Variants in CADM2 observed in about 807,000 individuals in gnomAD.
CADM2 encodes immunoglobulin superfamily member 4D.
In CADM2, 12 loss-of-function variants were observed where a neutral mutation model predicts 49.8. That is an observed-to-expected ratio of 0.24 (90% CI 0.15 to 0.39). CADM2 has a LOEUF of 0.39. Ranked by LOEUF, CADM2 falls within the 10% of genes least tolerant of loss-of-function variation. CADM2 has a pLI of 1.00. For synonymous variants in CADM2, 214 were observed against 175.4 expected (o/e 1.22, Z -1.74); for missense variants, 378 against 492.3 (o/e 0.77, Z 2.20).
In CADM2 at chr3:85,536,202, A is replaced by G. The variant is rs565681165; in HGVS notation, c.62-190320A>G. Among the ~76,000 whole-genome samples, 5 of 152,158 alleles carry G rather than the reference A, an allele frequency of 3.3e-5. No individual in the cohort carries two copies. In the East Asian group the frequency reaches 7.7e-4, roughly 24 times the overall value. ...ACTATTAAAATATAAGAAAAGTTGAAGAGAAGATTAGAAAAATAAAAGATA... is the reference window on the plus strand; with the variant it reads ...ACTATTAAAATATAAGAAAAGTTGAGGAGAAGATTAGAAAAATAAAAGATA... On this transcript the variant is annotated intron_variant, in intron 1 of 9. Transcript: ENST00000383699.
At chr3:85,232,148 A>G (rs1285378187) in intron 1 of CADM2, among the ~76,000 whole-genome samples, 1 of 149,906 alleles carries the variant, frequency 6.7e-6, no homozygotes, top group African/African-American at 2.4e-5. Context: ...TATTATTATT[A>G]TTATTATTAT....
intron 1 of CADM2, among the ~76,000 whole-genome samples, chr3:85,606,596 G>A (rs1444759925): frequency 6.6e-6 from 1 of 152,084 alleles, no homozygotes; most frequent in Non-Finnish European, 1.5e-5. Context: ...TAAAAATATT[G>A]CGGAGTGCTA....
At chr3:85,869,432 T>C (rs181028895) in intron 3 of CADM2, among the ~76,000 whole-genome samples, 1 of 152,288 alleles carries the variant, frequency 6.6e-6, no homozygotes, top group East Asian at 1.9e-4. Context: ...AAATTCCCTT[T>C]TGTTTTACAA....
intron 1 of CADM2, among the ~76,000 whole-genome samples, chr3:85,141,789 C>T (rs989851742): frequency 2.6e-5 from 4 of 152,166 alleles, no homozygotes; most frequent in African/African-American, 9.7e-5. Context: ...CACGTTTTCA[C>T]ATCTCAGTAT....
intron 3 of CADM2, among the ~76,000 whole-genome samples, chr3:85,865,569 C>T (rs1267266900): frequency 6.6e-6 from 1 of 152,144 alleles, no homozygotes; most frequent in Non-Finnish European, 1.5e-5. Flanking sequence ...GTGCACTGCA[C>T]TGACATTTTC....
intron 3 of CADM2, among the ~76,000 whole-genome samples, chr3:85,868,070 T>G (rs905335174): frequency 6.6e-6 from 1 of 152,016 alleles, no homozygotes; most frequent in African/African-American, 2.4e-5. Context: ...TGTAACATTT[T>G]AAAAATAGAT....
chr3:86,069,494 T>A lies in CADM2; in HGVS notation c.*2711T>A. The A allele has an allele frequency of 6.6e-6, 1 of 152,168 alleles. No individual in the cohort carries two copies. The highest frequency in any genetic ancestry group is 1.9e-4 in the East Asian group (1 of 5,184). The allele number at this position is 152,168 out of a possible 1,614,324, so 9.4% of individuals were successfully genotyped here. A position where few individuals can be genotyped will look rare whatever the true frequency, so the allele number is the denominator to read the frequency against. On this transcript the variant is annotated 3_prime_UTR_variant, in exon 10 of 10. Coordinates refer to ENST00000383699, the MANE Select transcript of CADM2 (RefSeq NM_001167675.2). ...CATATTTTCATACCTTTAAAAATTA[T>A]TTAATTTTCAACCAAACAAAAAATA...
At chr3:85,082,851 G>T (rs1384993379) in intron 1 of CADM2, among the ~76,000 whole-genome samples, 1 of 152,078 alleles carries the variant, frequency 6.6e-6, no homozygotes, top group Non-Finnish European at 1.5e-5. Context: ...CAAACACAAA[G>T]CTTCTCCATC....
chr3:85,866,682 G>GA (rs141020393), intron 3 of CADM2, among the ~76,000 whole-genome samples: 1 of 151,558 alleles, frequency 6.6e-6, no homozygotes, highest in African/African-American at 2.4e-5. Context: ...TTATGTATTT[G>GA]AAAAAAATAT....
At chr3:84,990,215 A>C (rs1451768132) in intron 1 of CADM2, among the ~76,000 whole-genome samples, 1 of 151,586 alleles carries the variant, frequency 6.6e-6, no homozygotes, top group African/African-American at 2.4e-5. Context: ...CGTATTTACA[A>C]TATATTATAG....
intron 1 of CADM2, among the ~76,000 whole-genome samples, chr3:85,625,956 A>T (rs2064119829): frequency 6.6e-6 from 1 of 152,056 alleles, no homozygotes; most frequent in African/African-American, 2.4e-5. Flanking sequence ...TTGGAAAATC[A>T]TGTATAAAGC....
At chr3:85,972,134 C>T (rs546400147) in intron 8 of CADM2, among the ~76,000 whole-genome samples, 1 of 151,714 alleles carries the variant, frequency 6.6e-6, no homozygotes, top group African/African-American at 2.4e-5. Context: ...CTGTTATCCA[C>T]TTTTACACTG....
At position 85,759,391 on chromosome 3, in the gene CADM2, T is replaced by A. The variant is rs116524267; in HGVS notation, c.88+32843T>A. Among the ~76,000 whole-genome samples, 1,114 of 152,216 alleles carry A rather than the reference T, an allele frequency of 7.3e-3. 13 individuals carry two copies. Among genetic ancestry groups the A allele is most frequent in the African/African-American group, 0.025 (1,052 of 41,572 alleles). Reference sequence around the variant, plus strand: ...TACTATATAAGCATTTTACTTCTGATGAAATACAGTATAACGCAATGCAAC... The same window carrying A: ...TACTATATAAGCATTTTACTTCTGAAGAAATACAGTATAACGCAATGCAAC... On this transcript the variant is annotated intron_variant, in intron 2 of 9. Transcript: ENST00000383699.
At chr3:85,188,624 A>T (rs1337125500) in intron 1 of CADM2, among the ~76,000 whole-genome samples, 1 of 152,054 alleles carries the variant, frequency 6.6e-6, no homozygotes, top group Non-Finnish European at 1.5e-5. Context: ...TGTGGGTGTC[A>T]ATCAGTATAA....
intron 1 of CADM2, among the ~76,000 whole-genome samples, chr3:85,577,783 A>G (rs74598957): frequency 0.081 from 12,262 of 152,110 alleles, 955 homozygotes; most frequent in African/African-American, 0.18. Flanking sequence ...TTTAACAAGT[A>G]AAGTTTTTAA....
At chr3:85,818,660 T>G (rs2073369449) in intron 3 of CADM2, among the ~76,000 whole-genome samples, 1 of 152,150 alleles carries the variant, frequency 6.6e-6, no homozygotes, top group African/African-American at 2.4e-5. Context: ...ATCTTTTATC[T>G]TAGCACATTC....
At position 85,571,330 on chromosome 3, in the gene CADM2, AT is replaced by A. The variant is rs562158888; in HGVS notation, c.62-155189del. On this transcript the variant is annotated intron_variant, in intron 1 of 9. Transcript: ENST00000383699. Reference sequence around the variant, plus strand: ...CTCAAAATGGCTTTTTTTCCAGTTGATTTATAAAACTTAGTGCAATAGAATT... The same window carrying A: ...CTCAAAATGGCTTTTTTTCCAGTTGATTATAAAACTTAGTGCAATAGAATT... Among the ~76,000 whole-genome samples the A allele has an allele frequency of 4.6e-3, 702 of 152,114 alleles. 8 individuals carry two copies. The highest frequency in any genetic ancestry group is 0.016 in the African/African-American group (678 of 41,508).
chr3:85,881,755 C>T (rs13087135), intron 3 of CADM2, among the ~76,000 whole-genome samples: 1 of 152,090 alleles, frequency 6.6e-6, no homozygotes, highest in Non-Finnish European at 1.5e-5. Context: ...TCAGCGGTCC[C>T]CAACCTTTTT....
At chr3:85,609,587 A>G (rs1309996381) in intron 1 of CADM2, among the ~76,000 whole-genome samples, 1 of 152,128 alleles carries the variant, frequency 6.6e-6, no homozygotes, top group Non-Finnish European at 1.5e-5. Context: ...AGCCTTCAGT[A>G]TAGATTTACA....
Sources: allele counts gnomAD v4.1 joint callset (sites outside exome capture counted in the v4.1 genomes callset), GRCh38; gene constraint gnomAD v4.1.1; transcripts MANE v1.5; gene names NCBI Gene and HGNC (gene_info 2026-07-23, HGNC 2026-07-21).